Variants in CPNE4 observed in about 807,000 individuals in gnomAD.
CPNE4 encodes the protein copine 4.
A neutral mutation model predicts 67.9 loss-of-function variants in CPNE4; 25 were observed. The observed-to-expected ratio is 0.37, with a 90% CI of 0.27 to 0.51. The LOEUF (loss-of-function observed/expected upper bound fraction) is 0.51. CPNE4 is among the 20% of genes least tolerant of loss of function. The pLI is 0.93. For missense variants in CPNE4, 464 were observed against 690.8 expected (o/e 0.67, Z 3.68); for synonymous variants, 242 against 244.9 (o/e 0.99, Z 0.11).
chr3:131,746,161 T>C (rs553649906), intron 2 of CPNE4, among the ~76,000 whole-genome samples: 2 of 152,268 alleles, frequency 1.3e-5, no homozygotes, highest in South Asian at 2.1e-4. Context: ...AGATAATAAG[T>C]GTACATATTT....
intron 2 of CPNE4, among the ~76,000 whole-genome samples, chr3:131,825,267 G>A (rs1253556327): frequency 6.6e-6 from 1 of 152,130 alleles, no homozygotes; most frequent in Non-Finnish European, 1.5e-5. Context: ...TGGGGCTGAG[G>A]TGGGTGGATC....
intron 2 of CPNE4, among the ~76,000 whole-genome samples, chr3:131,765,702 CA>C (rs1277047549): frequency 6.6e-6 from 1 of 151,880 alleles, no homozygotes; most frequent in East Asian, 1.9e-4. Flanking sequence ...GATTAAGGAA[CA>C]AAAAATGAAT....
chr3:131,965,993 G>A (rs541751141), intron 1 of CPNE4, among the ~76,000 whole-genome samples: 1 of 152,228 alleles, frequency 6.6e-6, no homozygotes, highest in African/African-American at 2.4e-5. Context: ...CTCAGCAAAT[G>A]CAAAATAATG....
chr3:131,721,343 C>CAAA (rs58912595), intron 3 of CPNE4, among the ~76,000 whole-genome samples: 89 of 63,504 alleles, frequency 1.4e-3, no homozygotes, highest in African/African-American at 4.1e-3. Context: ...AGCTTTGGAC[C>CAAA]AAAAAAAAAA....
At chr3:131,921,512 A>G (rs997130548) in intron 1 of CPNE4, among the ~76,000 whole-genome samples, 1 of 152,186 alleles carries the variant, frequency 6.6e-6, no homozygotes. Flanking sequence ...AGTACATGAA[A>G]TATTTATTCA....
intron 3 of CPNE4, among the ~76,000 whole-genome samples, chr3:131,711,902 T>G (rs2081567364): frequency 6.6e-6 from 1 of 152,176 alleles, no homozygotes; most frequent in Non-Finnish European, 1.5e-5. Context: ...GGGTCTCTTC[T>G]GTAATCAAAA....
In CPNE4 at chr3:131,694,907, G is replaced by A. The variant is rs376909165; in HGVS notation, c.507+1635C>T. Among the ~76,000 whole-genome samples, 6 of 152,236 alleles carry A rather than the reference G, an allele frequency of 3.9e-5. No homozygotes were observed. In the South Asian group the frequency reaches 1.2e-3, roughly 32 times the overall value. On this transcript the variant is annotated intron_variant, in intron 5 of 15. Transcript: ENST00000429747. ...GACCCTCACAATCATTAGCTATAAC[G>A]GAATAGTTCTTCATTTAGGTTGCTA...
At chr3:131,783,184 C>T (rs996476658) in intron 2 of CPNE4, among the ~76,000 whole-genome samples, 16 of 152,082 alleles carry the variant, frequency 1.1e-4, no homozygotes, top group African/African-American at 3.6e-4. Context: ...CCTCTAATCC[C>T]TATGTCCTCT....
intron 7 of CPNE4, among the ~76,000 whole-genome samples, chr3:131,596,114 A>T (rs965501471): frequency 1.3e-5 from 2 of 152,178 alleles, no homozygotes; most frequent in Non-Finnish European, 2.9e-5. Flanking sequence ...ACAATTTGTT[A>T]AGTGAGTAGA....
chr3:131,561,739 T>C (rs1261766918), intron 11 of CPNE4, among the ~76,000 whole-genome samples: 2 of 152,018 alleles, frequency 1.3e-5, no homozygotes, highest in African/African-American at 4.8e-5. Flanking sequence ...GTGTTTCATT[T>C]TGAGCCCCAA....
At chr3:131,989,479 G>T (rs2073128045) in intron 1 of CPNE4, among the ~76,000 whole-genome samples, 1 of 86,704 alleles carries the variant, frequency 1.2e-5, no homozygotes, top group Non-Finnish European at 3.1e-5. Flanking sequence ...CAGTAACAAT[G>T]GCCAAAGAAT....
chr3:131,569,912 A>T (rs1417214271), intron 10 of CPNE4, among the ~76,000 whole-genome samples: 1 of 151,972 alleles, frequency 6.6e-6, no homozygotes. Flanking sequence ...TAAGAAAAAA[A>T]TATCACTCGC....
chr3:131,564,312 C>T lies in CPNE4; in HGVS notation c.965G>A (p.Arg322Lys), dbSNP rs747608839. 5 of 1,612,694 alleles carry T rather than the reference C, an allele frequency of 3.1e-6. No individual in the cohort carries two copies. ...GATGTAGTGCAAGGAACAGCTGTTC[C>T]TGGGGTCCCCGTTTGAGGCAGTGAA... is the stretch of plus-strand genomic sequence containing the variant. ...IDFTASNGDP[R>K]NSCSLHYIHP... Residue 322 changes from arginine to lysine, a missense_variant, in exon 11 of 16, where the codon AGG (arginine) becomes AAG (lysine). Arg to Lys is a conservative substitution (Grantham distance 26). Transcript: ENST00000429747.
At chr3:131,804,048 C>T (rs1168112374) in intron 2 of CPNE4, among the ~76,000 whole-genome samples, 1 of 152,200 alleles carries the variant, frequency 6.6e-6, no homozygotes, top group Non-Finnish European at 1.5e-5. Flanking sequence ...TAGTCTCTCT[C>T]TCTCCCTCTC....
intron 9 of CPNE4, among the ~76,000 whole-genome samples, chr3:131,577,409 T>C (rs934421184): frequency 6.6e-6 from 1 of 152,076 alleles, no homozygotes; most frequent in African/African-American, 2.4e-5. Context: ...AGAGTATACT[T>C]ACACAAACCT....
chr3:131,986,580 G>A (rs1275684417), intron 1 of CPNE4, among the ~76,000 whole-genome samples: 1 of 152,150 alleles, frequency 6.6e-6, no homozygotes, highest in Admixed American at 6.5e-5. Flanking sequence ...GCATGGATCA[G>A]AGACAGGAGG....
At chr3:131,665,543 T>C (rs1176052769) in intron 7 of CPNE4, among the ~76,000 whole-genome samples, 1 of 151,686 alleles carries the variant, frequency 6.6e-6, no homozygotes, top group Non-Finnish European at 1.5e-5. Flanking sequence ...CCTGTAATCA[T>C]AGCTACTCAG....
intron 1 of CPNE4, among the ~76,000 whole-genome samples, chr3:132,005,334 TATATATATACACACACACACACACACAC>T (rs1322066731): frequency 8.6e-5 from 4 of 46,478 alleles, no homozygotes; most frequent in African/African-American, 2.2e-4. Context: ...TATATATATA[TATATATATACACACACACACACACACAC>T]ACACACACAC....
At chr3:131,865,117 T>C (rs967244817) in intron 2 of CPNE4, among the ~76,000 whole-genome samples, 1 of 152,188 alleles carries the variant, frequency 6.6e-6, no homozygotes. Flanking sequence ...CAGTATTTTA[T>C]TGAGGATTTT....
Sources: allele counts gnomAD v4.1 joint callset (sites outside exome capture counted in the v4.1 genomes callset), GRCh38; gene constraint gnomAD v4.1.1; transcripts MANE v1.5; gene names NCBI Gene and HGNC (gene_info 2026-07-23, HGNC 2026-07-21).